MFSD12: variants seen among roughly 807,000 people sequenced by gnomAD.
MFSD12 encodes major facilitator superfamily domain containing 12, also known as major facilitator superfamily domain-containing protein 12.
MFSD12 carries 67 observed loss-of-function variants against 51.2 expected under a neutral mutation model. That is an observed-to-expected ratio of 1.31 (90% CI 1.08 to 1.60). The LOEUF is 1.60. Ranked by LOEUF, MFSD12 falls within the 40% of genes most tolerant of loss-of-function variation. MFSD12 has a pLI of 0.00. For missense variants in MFSD12, 921 were observed against 673.0 expected, an observed-to-expected ratio of 1.37 and a Z score of -4.08; for synonymous variants, 441 against 316.7, an observed-to-expected ratio of 1.39 and a Z score of -4.17.
At chr19:3,541,841 C>G (rs1481240592), downstream of MFSD12, 1 of 962,986 alleles carries the variant, frequency 1.0e-6, no homozygotes, top group Non-Finnish European at 1.2e-6. Flanking sequence ...CAGAGTCTCG[C>G]TCTCTCACCC....
Position 3,546,184 on chromosome 19 carries a change from C to G in MFSD12, c.1195-16G>C, listed in dbSNP as rs369187318. ...CTCCGCTGTTCTGTGGAGACACAGG[C>G]GAGGTGGTCAGCGTGCACCCCGAGA... On this transcript the variant is annotated splice_polypyrimidine_tract_variant and intron_variant, in intron 7 of 9. Transcript: ENST00000355415. 6.2e-7 allele frequency: 1 copy of G among 1,611,728 alleles called. No individual in the cohort carries two copies. The highest frequency in any genetic ancestry group is 1.7e-5 in the Admixed American group (1 of 60,002).
chr19:3,543,761 TC>T, downstream of MFSD12: 7 of 1,490,142 alleles, frequency 4.7e-6, no homozygotes, highest in Non-Finnish European at 6.3e-6. Flanking sequence ...CCCGGGGCGA[TC>T]CAGGAGCCCC....
chr19:3,549,339 T>A (rs1424899934), intron 2 of MFSD12, among the ~76,000 whole-genome samples: 1 of 152,176 alleles, frequency 6.6e-6, no homozygotes, highest in African/African-American at 2.4e-5. Flanking sequence ...TCCCAGGATG[T>A]AGCCAGGGCT....
chr19:3,542,129 T>G (rs1249764809), downstream of MFSD12: 3 of 985,146 alleles, frequency 3.0e-6, no homozygotes, highest in African/African-American at 5.3e-5. Context: ...CTGTTTTAAT[T>G]GTGTTTTAAA....
chr19:3,551,909 G>A lies in MFSD12; in HGVS notation c.299-715C>T, dbSNP rs1252630789. ...CCTCTTCAACATGCCAGGCGGTCCT[G>A]CCCCCGGGCCTTTGCATGGGCGTGC... is the stretch of plus-strand genomic sequence containing the variant. On this transcript the variant is annotated intron_variant, in intron 1 of 9. Coordinates refer to ENST00000355415, the MANE Select transcript of MFSD12 (RefSeq NM_174983.5). This position sits in a 1 kb window ranked among gnomAD's most constrained non-coding sequence, Gnocchi z 4.6. Among the ~76,000 whole-genome samples, 1 of 152,056 alleles carries A rather than the reference G, an allele frequency of 6.6e-6. No individual in the cohort carries two copies. Among genetic ancestry groups the A allele is most frequent in the Non-Finnish European group, 1.5e-5 (1 of 68,012 alleles).
In MFSD12 at chr19:3,551,353, C is replaced by T. The variant is rs563485524; in HGVS notation, c.299-159G>A. Reference sequence around the variant, plus strand: ...GGAGCGAGGGTCTGCAGTCGGGGTCCCCCAGGCTTATGGCCCCTGGTGACA... The same window carrying T: ...GGAGCGAGGGTCTGCAGTCGGGGTCTCCCAGGCTTATGGCCCCTGGTGACA... On this transcript the variant is annotated intron_variant, in intron 1 of 9. Coordinates refer to ENST00000355415, the MANE Select transcript of MFSD12 (RefSeq NM_174983.5). The surrounding 1 kb of genome is among the most constrained non-coding windows in gnomAD (Gnocchi z 4.6). Among the ~76,000 whole-genome samples the T allele has an allele frequency of 1.3e-5, 2 of 152,304 alleles. No individual in the cohort carries two copies. The highest frequency in any genetic ancestry group is 6.5e-5 in the Admixed American group (1 of 15,302).
chr19:3,543,058 A>C (rs1165279500), downstream of MFSD12: 4 of 1,600,720 alleles, frequency 2.5e-6, no homozygotes, highest in East Asian at 6.7e-5. Context: ...CTCTCTCCTC[A>C]AGCACCCACT....
At chr19:3,540,718 A>G (rs973820988), downstream of MFSD12, among the ~76,000 whole-genome samples, 4 of 151,376 alleles carry the variant, frequency 2.6e-5, no homozygotes, top group African/African-American at 7.3e-5. Context: ...CGTCTCTACT[A>G]AAAATACAAA....
chr19:3,547,873 C>T lies in MFSD12; in HGVS notation c.812G>A (p.Trp271Ter), dbSNP rs1428430824. 1 of 1,532,154 alleles carries T rather than the reference C, an allele frequency of 6.5e-7. No individual in the cohort carries two copies. Among genetic ancestry groups the T allele is most frequent in the Non-Finnish European group, 8.7e-7 (1 of 1,146,562 alleles). The allele number at this position is 1,532,154 out of a possible 1,614,324, so 94.9% of individuals were successfully genotyped here. A position where few individuals can be genotyped will look rare whatever the true frequency, so the allele number is the denominator to read the frequency against. ...CTGGTAGAAAGCCGGCTCCCGGAGCCAGTGCTTCCAGAGCAGCAGGGGCTG... is the reference window on the plus strand; with the variant it reads ...CTGGTAGAAAGCCGGCTCCCGGAGCTAGTGCTTCCAGAGCAGCAGGGGCTG... ...TAQPLLLWKH[W>*]LREPAFYQVG... Residue 271 changes from tryptophan to a stop codon, truncating the protein, a stop_gained, in exon 4 of 10, where the codon TGG (tryptophan) becomes TAG (stop). Transcript: ENST00000355415. LOFTEE classifies it high-confidence loss of function.
chr19:3,542,219 A>C (rs928031786), downstream of MFSD12: 1 of 985,360 alleles, frequency 1.0e-6, no homozygotes, highest in African/African-American at 1.7e-5. Context: ...GGAAAAGCCG[A>C]GTCTATGTGG....
At position 3,547,382 on chromosome 19, in the gene MFSD12, G is replaced by A. The variant is rs1271855929; in HGVS notation, c.931-18C>T. ...ATGAACTTCTGCGGAGGCAGAGCCA[G>A]GCATGCCGTGTCAGTCATGGCTCGC... is the stretch of plus-strand genomic sequence containing the variant. On this transcript the variant is annotated intron_variant, in intron 5 of 9. Transcript: ENST00000355415. The A allele has an allele frequency of 1.2e-6, 2 of 1,612,950 alleles. No homozygotes were observed. The highest frequency in any genetic ancestry group is 2.2e-5 in the South Asian group (2 of 91,088).
downstream of MFSD12, chr19:3,544,190 G>A: frequency 2.2e-6 from 3 of 1,367,608 alleles, no homozygotes; most frequent in Middle Eastern, 4.7e-4. Flanking sequence ...AGGCAGACAG[G>A]AGCCAGGCTG....
intron 1 of MFSD12, among the ~76,000 whole-genome samples, chr19:3,553,076 C>A (rs572000833): frequency 6.6e-6 from 1 of 152,146 alleles, no homozygotes; most frequent in Admixed American, 6.6e-5. Flanking sequence ...CCAAAACCAG[C>A]CTCTCCTGCT....
chr19:3,548,801 C>T (rs954983724), intron 2 of MFSD12, among the ~76,000 whole-genome samples: 3 of 152,190 alleles, frequency 2.0e-5, no homozygotes, highest in Admixed American at 6.5e-5. Flanking sequence ...AGCAATGGCA[C>T]GTAGGAAGTG....
In MFSD12 at chr19:3,544,677, T is replaced by G. The variant is rs751396788; in HGVS notation, c.*33A>C. ...GGGGCATCCTCGTGCGTCCCCACAG[T>G]TCCCTTGCACAGGTGCAGGAGGCTG... On this transcript the variant is annotated 3_prime_UTR_variant, in exon 10 of 10. Coordinates refer to ENST00000355415, the MANE Select transcript of MFSD12 (RefSeq NM_174983.5). The G allele has an allele frequency of 1.0e-5, 16 of 1,574,410 alleles. No homozygotes were observed. Among genetic ancestry groups the G allele is most frequent in the Non-Finnish European group, 1.3e-5 (15 of 1,157,104 alleles).
At chr19:3,556,965 C>A in intron 1 of MFSD12, 141 bp downstream of exon 1, 1 of 825,898 alleles carries the variant, frequency 1.2e-6, no homozygotes, top group Non-Finnish European at 1.8e-6. Context: ...CAGGGAAGCT[C>A]GGGCCACGGG....
Position 3,557,446 on chromosome 19 carries a change from G to A in MFSD12, c.-43C>T. 20 of 1,168,340 alleles carry A rather than the reference G, an allele frequency of 1.7e-5. No homozygotes were observed. Among genetic ancestry groups the A allele is most frequent in the South Asian group, 4.3e-5 (1 of 23,510 alleles). 72.4% of individuals were successfully genotyped at this position (1,168,340 alleles called of 1,614,324 possible). On this transcript the variant is annotated 5_prime_UTR_variant, in exon 1 of 10. Transcript: ENST00000355415. ...GCCCCCCACCCCCGGGCTCCGCGGAGGGTACCCTGGCCAGGCCTTCTTGGG... is the reference window on the plus strand; with the variant it reads ...GCCCCCCACCCCCGGGCTCCGCGGAAGGTACCCTGGCCAGGCCTTCTTGGG...
Position 3,557,389 on chromosome 19 carries a change from G to A in MFSD12, c.15C>T (p.Pro5=), listed in dbSNP as rs1356688173. 4.9e-6 allele frequency: 7 copies of A among 1,429,496 alleles called. No individual in the cohort carries two copies. Among genetic ancestry groups the A allele is most frequent in the Non-Finnish European group, 6.4e-6 (7 of 1,086,040 alleles). The allele number at this position is 1,429,496 out of a possible 1,614,324, so 88.6% of individuals were successfully genotyped here. The stretch of plus-strand genomic sequence containing the variant: ...GGGACGGCGCCGCTCCGGCCGCTGG[G>A]GGTCCCGGGCCCATCGCGGCGCCGG... MGPG[P]PAAGAAPSPR... The change falls in exon 1 of 10, where the codon CCC becomes CCT. Residue 5 remains proline (P), a synonymous_variant. Transcript: ENST00000355415.
chr19:3,547,603 C>A, intron 4 of MFSD12, 56 bp from the exon 5 acceptor site: 1 of 1,497,508 alleles, frequency 6.7e-7, no homozygotes, highest in South Asian at 1.2e-5. Context: ...TCTCCACTCC[C>A]ACCAGCAGGG....
Sources: allele counts gnomAD v4.1 joint callset (sites outside exome capture counted in the v4.1 genomes callset), GRCh38; gene constraint gnomAD v4.1.1; non-coding constraint Gnocchi (gnomAD v3.1); transcripts MANE v1.5; gene names NCBI Gene and HGNC (gene_info 2026-07-23, HGNC 2026-07-21).